Variants in ADK observed in about 807,000 individuals in gnomAD.
ADK encodes adenosine kinase, also known as N6,N6-dimethyladenosine kinase.
In ADK, 24 loss-of-function variants were observed where a neutral mutation model predicts 44.7. That is an observed-to-expected ratio of 0.54 (90% CI 0.39 to 0.76). The LOEUF (loss-of-function observed/expected upper bound fraction) is 0.76, where lower values mean the gene tolerates loss of function less well. Among genes scored for constraint, ADK ranks in the 30% least tolerant of loss-of-function variants. The pLI, the probability that ADK is intolerant of heterozygous loss-of-function variation, is 0.00. For synonymous variants in ADK, 128 were observed against 142.6 expected (o/e 0.90, Z 0.73); for missense variants, 321 against 425.1 (o/e 0.76, Z 2.15).
At chr10:74,427,280 G>T (rs1390590874) in intron 6 of ADK, among the ~76,000 whole-genome samples, 1 of 152,036 alleles carries the variant, frequency 6.6e-6, no homozygotes, top group Non-Finnish European at 1.5e-5. Flanking sequence ...CTCACTGCAA[G>T]CTCGACCTCC....
At position 74,267,790 on chromosome 10, in the gene ADK, G is replaced by GTGTC. The variant is rs1554835952; in HGVS notation, c.194+43211_194+43214dup. Among the ~76,000 whole-genome samples, 248 of 145,708 alleles carry GTGTC rather than the reference G, an allele frequency of 1.7e-3. 2 individuals are homozygous for GTGTC. Among genetic ancestry groups the GTGTC allele is most frequent in the African/African-American group, 5.4e-3 (205 of 37,634 alleles). ...TGTGTGTGTGTGTGTGTGTGTGTGT[G>GTGTC]TGTCTGTCTGTCTGTTTTAGTGGCT... On this transcript the variant is annotated intron_variant, in intron 3 of 10. Transcript: ENST00000539909.
chr10:74,443,883 G>A (rs531697585), intron 6 of ADK, among the ~76,000 whole-genome samples: 3 of 152,130 alleles, frequency 2.0e-5, no homozygotes, highest in East Asian at 1.9e-4. Flanking sequence ...TAATGTAAAA[G>A]TGTTATTATT....
At chr10:74,658,980 C>G (rs568259793) in intron 9 of ADK, among the ~76,000 whole-genome samples, 2 of 152,058 alleles carry the variant, frequency 1.3e-5, no homozygotes, top group South Asian at 4.2e-4. Flanking sequence ...CTTCGGGAAG[C>G]CAAGGTGGGA....
intron 10 of ADK, among the ~76,000 whole-genome samples, chr10:74,691,434 CTACTA>C: frequency 1.3e-5 from 2 of 152,298 alleles, no homozygotes; most frequent in East Asian, 3.8e-4. Flanking sequence ...TAGCTTGTCA[CTACTA>C]TACAGTGTGA....
intron 4 of ADK, among the ~76,000 whole-genome samples, chr10:74,320,544 C>T (rs2131820332): frequency 6.6e-6 from 1 of 151,898 alleles, no homozygotes; most frequent in East Asian, 1.9e-4. Flanking sequence ...AAGTTTTGGA[C>T]CATTATATCT....
At chr10:74,420,419 A>G (rs1243737589) in intron 6 of ADK, among the ~76,000 whole-genome samples, 2 of 152,162 alleles carry the variant, frequency 1.3e-5, no homozygotes, top group Non-Finnish European at 2.9e-5. Flanking sequence ...ATAATCACAT[A>G]ATTAATGTAG....
At chr10:74,565,626 C>T (rs1347539540) in intron 7 of ADK, among the ~76,000 whole-genome samples, 3 of 149,488 alleles carry the variant, frequency 2.0e-5, no homozygotes, top group Admixed American at 1.4e-4. Flanking sequence ...ACTGGGGAGG[C>T]TGAGGCAGGA....
At chr10:74,296,416 T>C (rs1339947720) in intron 3 of ADK, among the ~76,000 whole-genome samples, 2 of 152,074 alleles carry the variant, frequency 1.3e-5, no homozygotes, top group African/African-American at 4.8e-5. Flanking sequence ...TGAAAGGATG[T>C]TCATCGTCTC....
intron 7 of ADK, among the ~76,000 whole-genome samples, chr10:74,574,432 G>T (rs2133870362): frequency 6.6e-6 from 1 of 152,246 alleles, no homozygotes; most frequent in Admixed American, 6.5e-5. Context: ...GCCTCCCAAA[G>T]TGCTGGGATT....
intron 4 of ADK, among the ~76,000 whole-genome samples, chr10:74,377,126 A>G (rs1198923320): frequency 2.0e-5 from 3 of 152,052 alleles, no homozygotes; most frequent in Non-Finnish European, 4.4e-5. Context: ...CTGTTTTTCT[A>G]GTAGGTTATT....
At chr10:74,668,753 C>G (rs1855062941) in intron 9 of ADK, among the ~76,000 whole-genome samples, 2 of 151,580 alleles carry the variant, frequency 1.3e-5, no homozygotes, top group Non-Finnish European at 2.9e-5. Context: ...AAAGTTTAAG[C>G]CAGATGCAGT....
intron 1 of ADK, among the ~76,000 whole-genome samples, chr10:74,167,273 T>C (rs1842059424): frequency 2.0e-5 from 3 of 152,148 alleles, no homozygotes; most frequent in Admixed American, 6.5e-5. Flanking sequence ...TCCCAAAATG[T>C]TAGGATTACA....
chr10:74,515,770 T>C (rs1848544962), intron 6 of ADK, among the ~76,000 whole-genome samples: 1 of 152,104 alleles, frequency 6.6e-6, no homozygotes, highest in African/African-American at 2.4e-5. Flanking sequence ...TTTGGCCAGC[T>C]TAAGAGCAGG....
At chr10:74,204,028 C>A (rs1030293398) in intron 2 of ADK, among the ~76,000 whole-genome samples, 2 of 143,836 alleles carry the variant, frequency 1.4e-5, no homozygotes, top group Non-Finnish European at 3.0e-5. Flanking sequence ...ATGATCTCAG[C>A]TCACTGCAAT....
intron 7 of ADK, among the ~76,000 whole-genome samples, chr10:74,582,244 G>A (rs1287072670): frequency 6.6e-6 from 1 of 152,016 alleles, no homozygotes; most frequent in East Asian, 1.9e-4. Flanking sequence ...CTGGGAGGTT[G>A]AGGCTAAAGT....
At chr10:74,217,427 C>T (rs540035500) in intron 2 of ADK, among the ~76,000 whole-genome samples, 2 of 152,366 alleles carry the variant, frequency 1.3e-5, no homozygotes, top group Admixed American at 6.5e-5. Context: ...CTGTAGGTTG[C>T]ACCTCTGGGG....
At chr10:74,301,915 T>C (rs1462671292) in intron 3 of ADK, among the ~76,000 whole-genome samples, 1 of 152,044 alleles carries the variant, frequency 6.6e-6, no homozygotes, top group Non-Finnish European at 1.5e-5. Flanking sequence ...CATAATGTAA[T>C]TTAAATGTTT....
At chr10:74,679,432 TC>T (rs1211680201) in intron 10 of ADK, among the ~76,000 whole-genome samples, 1 of 152,228 alleles carries the variant, frequency 6.6e-6, no homozygotes, top group African/African-American at 2.4e-5. Flanking sequence ...TTAAAAATGT[TC>T]TTATCTAGCA....
intron 9 of ADK, among the ~76,000 whole-genome samples, chr10:74,663,463 CTA>C (rs1199884250): frequency 6.6e-6 from 1 of 151,928 alleles, no homozygotes; most frequent in Non-Finnish European, 1.5e-5. Context: ...TAGACTAAAA[CTA>C]TGGCTTTTTT....
Sources: allele counts gnomAD v4.1 joint callset (sites outside exome capture counted in the v4.1 genomes callset), GRCh38; gene constraint gnomAD v4.1.1; transcripts MANE v1.5; gene names NCBI Gene and HGNC (gene_info 2026-07-23, HGNC 2026-07-21).